The following ZBTB20 variants were observed in gnomAD, a reference collection of about 807,000 sequenced individuals.
The protein encoded by ZBTB20 is zinc finger and BTB domain containing 20, also known as zinc finger and BTB domain-containing protein 20.
Under a neutral mutation model 56.9 loss-of-function variants are expected in ZBTB20, and 9 were observed. That is an observed-to-expected ratio of 0.16 (90% CI 0.10 to 0.28). The LOEUF (loss-of-function observed/expected upper bound fraction) is 0.28. ZBTB20 is among the 10% of genes least tolerant of loss of function. The probability of loss-of-function intolerance (pLI) is 1.00; values close to 1 mark genes in which losing one functional copy is unlikely to be tolerated. For synonymous variants in ZBTB20, 417 were observed against 420.7 expected, an observed-to-expected ratio of 0.99 and a Z score of 0.11; for missense variants, 655 against 1,003.0, an observed-to-expected ratio of 0.65 and a Z score of 4.69.
chr3:114,515,318 C>A (rs2045860346), intron 6 of ZBTB20, among the ~76,000 whole-genome samples: 1 of 152,026 alleles, frequency 6.6e-6, no homozygotes, highest in Non-Finnish European at 1.5e-5. Context: ...TTAGAGATAC[C>A]CACCAGCTCC....
rs577777397 is a variant in ZBTB20, at chr3:114,658,439, A to C, written c.-295+35089T>G. The C allele has an allele frequency of 1.9e-4, 29 of 152,364 alleles. No homozygotes were observed. In the East Asian group the frequency reaches 5.4e-3, roughly 28 times the overall value. The allele number at this position is 152,364 out of a possible 1,614,324, so 9.4% of individuals were successfully genotyped here. ...TATTTTGTAGATCACAAAACTACAA[A>C]GTATCCCAGGCCATCAGACTCCAGA... On this transcript the variant is annotated intron_variant, in intron 6 of 11. Transcript: ENST00000675478.
intron 6 of ZBTB20, among the ~76,000 whole-genome samples, chr3:114,555,419 G>T (rs1024231870): frequency 6.6e-6 from 1 of 151,984 alleles, no homozygotes; most frequent in Non-Finnish European, 1.5e-5. Context: ...GCTATATATG[G>T]TTATCATCCA....
At chr3:114,614,711 G>C (rs1418731759) in intron 6 of ZBTB20, among the ~76,000 whole-genome samples, 1 of 151,854 alleles carries the variant, frequency 6.6e-6, no homozygotes, top group African/African-American at 2.4e-5. Flanking sequence ...TTAGATTGTA[G>C]TGTCCAATCT....
intron 4 of ZBTB20, among the ~76,000 whole-genome samples, chr3:114,866,090 A>G (rs2075751223): frequency 6.6e-6 from 1 of 152,224 alleles, no homozygotes; most frequent in African/African-American, 2.4e-5. Context: ...TACTAGCTAC[A>G]TGACCTTGGG....
At chr3:114,798,317 G>A (rs2071461054) in intron 5 of ZBTB20, among the ~76,000 whole-genome samples, 1 of 143,140 alleles carries the variant, frequency 7.0e-6, no homozygotes, top group African/African-American at 2.6e-5. Context: ...CCAAAGGCAT[G>A]ATACTAGGAA....
chr3:115,082,398 G>C (rs1208666041), intron 1 of ZBTB20, among the ~76,000 whole-genome samples: 2 of 152,122 alleles, frequency 1.3e-5, no homozygotes, highest in Non-Finnish European at 2.9e-5. Context: ...GAGTGTGCGC[G>C]TGTCTGGATC....
chr3:115,099,034 C>T (rs2083482085), intron 1 of ZBTB20, among the ~76,000 whole-genome samples: 1 of 152,010 alleles, frequency 6.6e-6, no homozygotes, highest in Non-Finnish European at 1.5e-5. Flanking sequence ...AAATAAAATT[C>T]CATTAAGAAG....
intron 4 of ZBTB20, among the ~76,000 whole-genome samples, chr3:114,837,063 T>C (rs950161071): frequency 6.6e-6 from 1 of 152,172 alleles, no homozygotes. Context: ...GGTCTAGCTA[T>C]ATTGCCTCTG....
intron 7 of ZBTB20, chr3:114,418,949 A>G (rs1334643213): frequency 2.0e-5 from 3 of 152,128 alleles, no homozygotes; most frequent in African/African-American, 7.2e-5. Context: ...GTTTGGGGGT[A>G]TATCAATCTT....
intron 10 of ZBTB20, among the ~76,000 whole-genome samples, chr3:114,353,206 G>A (rs1025969879): frequency 2.0e-5 from 3 of 152,082 alleles, no homozygotes; most frequent in African/African-American, 2.4e-5. Flanking sequence ...AAACCAAATG[G>A]CCCAAGCACT....
intron 6 of ZBTB20, among the ~76,000 whole-genome samples, chr3:114,528,210 T>C (rs1467434953): frequency 6.6e-6 from 1 of 152,144 alleles, no homozygotes; most frequent in African/African-American, 2.4e-5. Flanking sequence ...CATTTTGATA[T>C]ACATTTAAGC....
chr3:114,972,659 A>G (rs992803882), intron 3 of ZBTB20, among the ~76,000 whole-genome samples: 2 of 152,208 alleles, frequency 1.3e-5, no homozygotes, highest in South Asian at 4.1e-4. Context: ...GGAAAAAAAC[A>G]TATTTAACAA....
At chr3:114,347,101 T>G (rs1222848061) in intron 11 of ZBTB20, among the ~76,000 whole-genome samples, 6 of 137,706 alleles carry the variant, frequency 4.4e-5, no homozygotes, top group Non-Finnish European at 7.8e-5. Context: ...TTTTTTTTTT[T>G]TTTTTTTTTA....
chr3:114,358,966 T>A (rs1315862235), intron 10 of ZBTB20, among the ~76,000 whole-genome samples: 1 of 152,168 alleles, frequency 6.6e-6, no homozygotes, highest in African/African-American at 2.4e-5. Flanking sequence ...GAGCTCAGAA[T>A]AAAAATTTAG....
chr3:114,839,439 G>GAAAGAAAGAAAGAA (rs2074273381), intron 4 of ZBTB20, among the ~76,000 whole-genome samples: 1 of 148,786 alleles, frequency 6.7e-6, no homozygotes, highest in African/African-American at 2.5e-5. Context: ...AAGAAAGAAA[G>GAAAGAAAGAAAGAA]AAAGAAAGAA....
intron 4 of ZBTB20, among the ~76,000 whole-genome samples, chr3:114,885,016 G>C (rs2107604602): frequency 6.6e-6 from 1 of 152,318 alleles, no homozygotes; most frequent in Admixed American, 6.5e-5. Flanking sequence ...AAAATTTCAG[G>C]AGATATGGTT....
Position 114,696,227 on chromosome 3 carries a change from G to T in ZBTB20, c.-342-2652C>A, listed in dbSNP as rs1162878583. 2.0e-5 allele frequency among the ~76,000 whole-genome samples: 3 copies of T among 151,986 alleles called. No homozygotes were observed. The East Asian group carries it at 5.8e-4, about 29-fold the overall frequency. ...CTAAATTGCAATAGTTAACACATAA[G>T]ACAGTGTTAAACAAATTCATAACTT... On this transcript the variant is annotated intron_variant, in intron 5 of 11. Coordinates refer to ENST00000675478, the MANE Select transcript of ZBTB20 (RefSeq NM_001348800.3).
intron 7 of ZBTB20, among the ~76,000 whole-genome samples, chr3:114,457,033 T>C (rs775498985): frequency 2.6e-5 from 4 of 152,220 alleles, no homozygotes; most frequent in Non-Finnish European, 4.4e-5. Context: ...ACACACGGCC[T>C]ACAGTTGACT....
At chr3:114,838,406 G>T (rs1032773482) in intron 4 of ZBTB20, among the ~76,000 whole-genome samples, 5 of 152,108 alleles carry the variant, frequency 3.3e-5, no homozygotes, top group African/African-American at 1.2e-4. Flanking sequence ...CTGAAAATAG[G>T]CTAGAAAGCT....
Sources: gnomAD v4.1 joint callset for allele counts (sites outside exome capture counted in the v4.1 genomes callset) on GRCh38, gnomAD v4.1.1 for gene constraint, MANE v1.5 for transcripts, NCBI Gene and HGNC (gene_info 2026-07-23, HGNC 2026-07-21) for gene names.